The following GSN variants were observed in gnomAD, a reference collection of about 807,000 sequenced individuals.
GSN encodes the protein gelsolin.
In GSN, 56 loss-of-function variants were observed where a neutral mutation model predicts 85.7. The ratio of observed to expected loss-of-function variants is 0.65; its 90% confidence interval spans 0.53 to 0.82. The LOEUF (loss-of-function observed/expected upper bound fraction) is 0.82, where lower values mean the gene tolerates loss of function less well. Ranked by LOEUF, GSN falls within the 40% of genes least tolerant of loss-of-function variation. The pLI is 0.00. For synonymous variants in GSN, 373 were observed against 399.1 expected, an observed-to-expected ratio of 0.93 and a Z score of 0.78; for missense variants, 857 against 979.8, an observed-to-expected ratio of 0.87 and a Z score of 1.67.
At chr9:121,272,684 A>G (rs942186996) in intron 1 of GSN, among the ~76,000 whole-genome samples, 12 of 152,246 alleles carry the variant, frequency 7.9e-5, no homozygotes, top group Admixed American at 2.6e-4. Flanking sequence ...AAGGGCCACC[A>G]TATGTAACAC....
At chr9:121,231,517 T>G (rs2054386574) in intron 5 of GSN, among the ~76,000 whole-genome samples, 1 of 152,124 alleles carries the variant, frequency 6.6e-6, no homozygotes, top group Non-Finnish European at 1.5e-5. Context: ...GAAGCTGTAA[T>G]TAACTTCAGA....
intron 4 of GSN, among the ~76,000 whole-genome samples, chr9:121,227,759 C>G (rs906157630): frequency 2.0e-5 from 3 of 152,172 alleles, no homozygotes; most frequent in Non-Finnish European, 4.4e-5. Flanking sequence ...AATAGATACA[C>G]ACTTCGGTTT....
Position 121,326,696 on chromosome 9 carries a change from C to G in GSN, c.1587+14C>G. ...CGGGCTGTTGAGGTAATTTCCAGGT[C>G]CTGGAACACAGAAGGGATTGGCCTC... On this transcript the variant is annotated intron_variant, in intron 13 of 17. Coordinates refer to ENST00000432226, the MANE Select transcript of GSN (RefSeq NM_198252.3). The G allele has an allele frequency of 1.2e-6, 2 of 1,607,880 alleles. No homozygotes were observed. Among genetic ancestry groups the G allele is most frequent in the Non-Finnish European group, 8.5e-7 (1 of 1,175,978 alleles).
chr9:121,245,993 C>T (rs1029404553), intron 5 of GSN, among the ~76,000 whole-genome samples: 1 of 152,052 alleles, frequency 6.6e-6, no homozygotes, highest in Non-Finnish European at 1.5e-5. Flanking sequence ...AAATGATTGT[C>T]AATATGTTAA....
intron 5 of GSN, chr9:121,248,134 G>A (rs2054739923): frequency 6.6e-6 from 1 of 152,144 alleles, no homozygotes; most frequent in East Asian, 1.9e-4. Context: ...CCATTAGCCA[G>A]TGATACATAA....
intron 7 of GSN, 71 bp downstream of exon 7, chr9:121,314,094 A>C: frequency 1.7e-6 from 2 of 1,182,492 alleles, no homozygotes; most frequent in Non-Finnish European, 2.5e-6. Flanking sequence ...GGTCTTCCCC[A>C]CTCCACTGCT....
At chr9:121,228,670 C>G (rs569627484) in intron 4 of GSN, among the ~76,000 whole-genome samples, 43 of 152,008 alleles carry the variant, frequency 2.8e-4, no homozygotes, top group Non-Finnish European at 5.7e-4. Flanking sequence ...AGTGATCTGC[C>G]TGCCTCAGTC....
rs1309094988 is a variant in GSN, at chr9:121,307,057, C to G, written c.352-3627C>G. Reference sequence around the variant, plus strand: ...TTAGCCGGGCGTGGTGGCGGGTGCCCGTAATCTCAGCGACTCAGGAGGCTG... The same window carrying G: ...TTAGCCGGGCGTGGTGGCGGGTGCCGGTAATCTCAGCGACTCAGGAGGCTG... On this transcript the variant is annotated intron_variant, in intron 4 of 17. Coordinates refer to ENST00000432226, the MANE Select transcript of GSN (RefSeq NM_198252.3). Among the ~76,000 whole-genome samples, 4 of 151,934 alleles carry G rather than the reference C, an allele frequency of 2.6e-5. No homozygotes were observed. In the South Asian group the frequency reaches 6.2e-4, roughly 24 times the overall value.
At chr9:121,228,386 A>G (rs1461482254) in intron 4 of GSN, among the ~76,000 whole-genome samples, 1 of 143,020 alleles carries the variant, frequency 7.0e-6, no homozygotes, top group Non-Finnish European at 1.5e-5. Context: ...CATTAAGTAT[A>G]GAATCTCATT....
intron 2 of GSN, 148 bp from the exon 3 acceptor site, chr9:121,301,815 C>T: frequency 7.0e-6 from 9 of 1,281,818 alleles, no homozygotes; most frequent in Non-Finnish European, 9.9e-6. Flanking sequence ...GACAGGGTGC[C>T]CAGAAGGGGA....
intron 6 of GSN, chr9:121,248,429 C>CTTTCCT (rs970923582): frequency 1.3e-5 from 2 of 152,442 alleles, no homozygotes; most frequent in African/African-American, 4.8e-5. Context: ...CACTTCCCTT[C>CTTTCCT]TCTTGCCTTC....
At chr9:121,323,725 T>C (rs1341524967) in intron 11 of GSN, among the ~76,000 whole-genome samples, 2 of 152,196 alleles carry the variant, frequency 1.3e-5, no homozygotes, top group African/African-American at 4.8e-5. Flanking sequence ...ACATGGCATT[T>C]ACTCATCATG....
intron 10 of GSN, among the ~76,000 whole-genome samples, chr9:121,319,340 G>T (rs962821280): frequency 2.6e-5 from 4 of 152,046 alleles, no homozygotes; most frequent in Admixed American, 6.5e-5. Context: ...AGCTATCCCA[G>T]GGGGCTAGTG....
Position 121,317,195 on chromosome 9 carries a change from A to T in GSN, c.863A>T (p.Asp288Val). 1.2e-6 allele frequency: 2 copies of T among 1,614,154 alleles called. No individual in the cohort carries two copies. The highest frequency in any genetic ancestry group is 1.7e-6 in the Non-Finnish European group (2 of 1,180,006). Residue 288 changes from aspartate (D) to valine (V), a missense_variant, in exon 8 of 18, where the codon GAT (aspartate) becomes GTT (valine). Asp to Val is a radical substitution (Grantham distance 152, BLOSUM62 -3). Transcript: ENST00000432226. ...EDCFILDHGK[D>V]GKIFVWKGKQ... ...TGCTTCATCCTGGACCACGGCAAAG[A>T]TGGGAAAATCTTTGTCTGGAAAGGT...
At chr9:121,286,821 C>T in intron 2 of GSN, 1 of 1,365,668 alleles carries the variant, frequency 7.3e-7, no homozygotes. Context: ...CAGAGTCAGA[C>T]AGCCCTGAAT....
intron 6 of GSN, among the ~76,000 whole-genome samples, chr9:121,257,206 C>T (rs143879645): frequency 4.7e-4 from 72 of 151,948 alleles, no homozygotes; most frequent in African/African-American, 1.6e-3. Context: ...ATATACTCTA[C>T]GGAAAAGAAA....
At chr9:121,312,628 T>C in intron 6 of GSN, 140 bp downstream of exon 6, 2 of 715,306 alleles carry the variant, frequency 2.8e-6, no homozygotes, top group Non-Finnish European at 4.4e-6. Flanking sequence ...TAAAATACTT[T>C]TTTATTTTAA....
intron 4 of GSN, among the ~76,000 whole-genome samples, chr9:121,307,666 A>G (rs2060561068): frequency 1.3e-5 from 2 of 152,242 alleles, no homozygotes; most frequent in Admixed American, 6.5e-5. Context: ...ACTTCATTGC[A>G]TGCACTTAAA....
chr9:121,270,205 G>C lies in GSN; in HGVS notation c.-103+1986G>C, dbSNP rs1004208418. ...CTAGAGTGGAGGATGGGAGAAGGGC[G>C]GGGTGGTGGGAGGTTGAGAATCTAA... is the stretch of plus-strand genomic sequence containing the variant. On this transcript the variant is annotated intron_variant, in intron 1 of 17. Transcript: ENST00000432226. 5.9e-5 allele frequency among the ~76,000 whole-genome samples: 9 copies of C among 152,182 alleles called. No individual in the cohort carries two copies. The South Asian group carries it at 1.9e-3, about 32-fold the overall frequency.
Sources: allele counts gnomAD v4.1 joint callset (sites outside exome capture counted in the v4.1 genomes callset), GRCh38; gene constraint gnomAD v4.1.1; transcripts MANE v1.5; gene names NCBI Gene and HGNC (gene_info 2026-07-23, HGNC 2026-07-21).